HIPK2: variants seen among roughly 807,000 people sequenced by gnomAD.
HIPK2 encodes the protein homeodomain interacting protein kinase 2.
Under a neutral mutation model 113.7 loss-of-function variants are expected in HIPK2, and 27 were observed. The ratio of observed to expected loss-of-function variants is 0.24; its 90% CI spans 0.17 to 0.33. HIPK2 has a LOEUF of 0.33. HIPK2 is among the 10% of genes least tolerant of loss of function. The probability of loss-of-function intolerance (pLI) is 1.00; values close to 1 mark genes in which losing one functional copy is unlikely to be tolerated. For synonymous variants in HIPK2, 631 were observed against 642.2 expected (o/e 0.98, Z 0.26); for missense variants, 1,257 against 1,588.0 (o/e 0.79, Z 3.54).
chr7:139,639,529 T>G (rs1335123081), intron 2 of HIPK2, among the ~76,000 whole-genome samples: 1 of 152,184 alleles, frequency 6.6e-6, no homozygotes, highest in Non-Finnish European at 1.5e-5. Context: ...CATAGCGACA[T>G]CTGACATACA....
intron 2 of HIPK2, among the ~76,000 whole-genome samples, chr7:139,702,050 AAAG>A (rs1295790690): frequency 1.4e-4 from 21 of 152,258 alleles, no homozygotes; most frequent in East Asian, 3.9e-4. Context: ...AGGAGCAGAG[AAAG>A]AAGAACACGC....
Position 139,631,098 on chromosome 7 carries a change from A to G in HIPK2, c.1347+67T>C. The G allele has an allele frequency of 1.3e-6, 2 of 1,533,284 alleles. No homozygotes were observed. Among genetic ancestry groups the G allele is most frequent in the Non-Finnish European group, 1.8e-6 (2 of 1,138,618 alleles). The allele number at this position is 1,533,284 out of a possible 1,614,324, so 95.0% of individuals were successfully genotyped here. ...TGACTGAATCAAAAGCTCCCCACTAATGGGTCTACGGCCCTCTTCCCTAAG... is the reference window on the plus strand; with the variant it reads ...TGACTGAATCAAAAGCTCCCCACTAGTGGGTCTACGGCCCTCTTCCCTAAG... On this transcript the variant is annotated intron_variant, in intron 4 of 14. Transcript: ENST00000406875. This position sits in a 1 kb window ranked among gnomAD's most constrained non-coding sequence, Gnocchi z 4.9.
At chr7:139,623,854 C>T (rs1585291850) in intron 6 of HIPK2, among the ~76,000 whole-genome samples, 1 of 152,134 alleles carries the variant, frequency 6.6e-6, no homozygotes, top group Admixed American at 6.5e-5. Context: ...AGGCTCTTCT[C>T]ACAGGATTCC....
chr7:139,576,300 T>C (rs1199884069), intron 13 of HIPK2, among the ~76,000 whole-genome samples: 1 of 152,222 alleles, frequency 6.6e-6, no homozygotes, highest in East Asian at 1.9e-4. Context: ...AGAGGTGACC[T>C]CATGGTCAGC....
chr7:139,592,450 C>T (rs961146536), intron 12 of HIPK2, among the ~76,000 whole-genome samples: 2 of 152,192 alleles, frequency 1.3e-5, no homozygotes, highest in East Asian at 1.9e-4. Context: ...TAAAAAATTA[C>T]TCTCGGCCAG....
In HIPK2 at chr7:139,716,819, C is replaced by T. The variant is rs775130505; in HGVS notation, c.216G>A (p.Pro72=). The change falls in exon 2 of 15, where the codon CCG becomes CCA. Residue 72 remains proline (P), a synonymous_variant. Coordinates refer to ENST00000406875, the MANE Select transcript of HIPK2 (RefSeq NM_022740.5). The surrounding 1 kb of genome is among the most constrained non-coding windows in gnomAD (Gnocchi z 9.3). Reference sequence around the variant, plus strand: ...CGTAAGGTAGGCTTGGGTTTGGGACCGGCAAGGAGGTGCTGACGGTTGTGG... The same window carrying T: ...CGTAAGGTAGGCTTGGGTTTGGGACTGGCAAGGAGGTGCTGACGGTTGTGG... The part of the protein sequence containing the change: ...PATTTVSTSL[P]VPNPSLPYEQ... 90 of 1,613,642 alleles carry T rather than the reference C, an allele frequency of 5.6e-5. 1 individual carries two copies. The highest frequency in any genetic ancestry group is 1.9e-4 in the African/African-American group (14 of 74,864).
intron 7 of HIPK2, among the ~76,000 whole-genome samples, chr7:139,617,764 T>A (rs549480673): frequency 6.6e-6 from 1 of 152,360 alleles, no homozygotes; most frequent in African/African-American, 2.4e-5. Context: ...GTCTACTGGA[T>A]ATATGTTAAA....
intron 1 of HIPK2, among the ~76,000 whole-genome samples, chr7:139,759,611 C>A (rs1796430746): frequency 6.6e-6 from 1 of 152,154 alleles, no homozygotes; most frequent in Admixed American, 6.5e-5. Context: ...TGAAGATAAT[C>A]TCTATGTACA....
rs950017941 is a variant in HIPK2, at chr7:139,571,894, C to T, written c.*1033G>A. ...CGGCGCGTGCACACCCACACGTGCT[C>T]GCTCACCCGCACACCTGCACCGCCA... On this transcript the variant is annotated 3_prime_UTR_variant, in exon 15 of 15. Coordinates refer to ENST00000406875, the MANE Select transcript of HIPK2 (RefSeq NM_022740.5). 2 of 152,202 alleles carry T rather than the reference C, an allele frequency of 1.3e-5. No individual in the cohort carries two copies. Among genetic ancestry groups the T allele is most frequent in the African/African-American group, 4.8e-5 (2 of 41,454 alleles). 9.4% of individuals were successfully genotyped at this position (152,202 alleles called of 1,614,324 possible). A position where few individuals can be genotyped will look rare whatever the true frequency, so the allele number is the denominator to read the frequency against.
At chr7:139,691,818 G>C (rs1181492879) in intron 2 of HIPK2, among the ~76,000 whole-genome samples, 1 of 152,158 alleles carries the variant, frequency 6.6e-6, no homozygotes, top group Non-Finnish European at 1.5e-5. Flanking sequence ...AAATGAAACT[G>C]TATACATCAT....
At chr7:139,641,696 C>G (rs1263153104) in intron 2 of HIPK2, among the ~76,000 whole-genome samples, 1 of 152,186 alleles carries the variant, frequency 6.6e-6, no homozygotes, top group Admixed American at 6.5e-5. Flanking sequence ...GCATCGGCGG[C>G]AACAAGGGCT....
chr7:139,643,952 C>A (rs909271127), intron 2 of HIPK2, among the ~76,000 whole-genome samples: 2 of 152,150 alleles, frequency 1.3e-5, no homozygotes, highest in African/African-American at 4.8e-5. Flanking sequence ...CTCTGCGTTG[C>A]TGGAGAAAGC....
intron 13 of HIPK2, among the ~76,000 whole-genome samples, chr7:139,578,235 C>T (rs965445016): frequency 1.3e-5 from 2 of 152,154 alleles, no homozygotes; most frequent in Non-Finnish European, 2.9e-5. Flanking sequence ...GTCTCGAATT[C>T]CTGACCTTGT....
At chr7:139,752,724 GAAAAAAA>G (rs768536532) in intron 1 of HIPK2, among the ~76,000 whole-genome samples, 8 of 104,694 alleles carry the variant, frequency 7.6e-5, no homozygotes, top group South Asian at 3.2e-4. Flanking sequence ...TTTCACAGCT[GAAAAAAA>G]AAAAAAAAAG....
chr7:139,728,132 G>T (rs908453717), intron 1 of HIPK2, among the ~76,000 whole-genome samples: 1 of 151,582 alleles, frequency 6.6e-6, no homozygotes, highest in Non-Finnish European at 1.5e-5. Flanking sequence ...TTATAGAGAC[G>T]GGGTCTCCCT....
chr7:139,571,032 G>A lies in HIPK2; in HGVS notation c.*1895C>T, dbSNP rs1001341690. ...AGAGGGCAAAGGGCAGATTTCTTTG[G>A]AAATTCAACTGTGTGAGTTTTTCCA... On this transcript the variant is annotated 3_prime_UTR_variant, in exon 15 of 15. Transcript: ENST00000406875. The A allele has an allele frequency of 1.3e-5, 2 of 152,186 alleles. No individual in the cohort carries two copies. Among genetic ancestry groups the A allele is most frequent in the African/African-American group, 4.8e-5 (2 of 41,420 alleles). 9.4% of individuals were successfully genotyped at this position (152,186 alleles called of 1,614,324 possible). A position where few individuals can be genotyped will look rare whatever the true frequency, so the allele number is the denominator to read the frequency against.
At chr7:139,756,604 T>C (rs1796367170) in intron 1 of HIPK2, among the ~76,000 whole-genome samples, 1 of 152,178 alleles carries the variant, frequency 6.6e-6, no homozygotes, top group Non-Finnish European at 1.5e-5. Context: ...TTTGTACTTT[T>C]AGTAGAGATG....
chr7:139,775,184 AG>A (rs1250790941), intron 1 of HIPK2, among the ~76,000 whole-genome samples: 1 of 152,216 alleles, frequency 6.6e-6, no homozygotes, highest in African/African-American at 2.4e-5. Context: ...AGAAATCTAC[AG>A]GAAAAGCTCT....
intron 7 of HIPK2, among the ~76,000 whole-genome samples, chr7:139,618,465 C>T (rs1800130365): frequency 6.6e-6 from 1 of 152,194 alleles, no homozygotes; most frequent in Non-Finnish European, 1.5e-5. Flanking sequence ...CCAAGCATCA[C>T]ACTAAGTTAC....
Sources: allele counts gnomAD v4.1 joint callset (sites outside exome capture counted in the v4.1 genomes callset), GRCh38; gene constraint gnomAD v4.1.1; non-coding constraint Gnocchi (gnomAD v3.1); transcripts MANE v1.5; gene names NCBI Gene and HGNC (gene_info 2026-07-23, HGNC 2026-07-21).